Variants in PEMT observed in about 807,000 individuals in gnomAD.
PEMT encodes phosphatidylethanolamine N-methyltransferase.
In PEMT, 23 loss-of-function variants were observed where a neutral mutation model predicts 27.4. The ratio of observed to expected loss-of-function variants is 0.84; its 90% CI spans 0.60 to 1.19. The LOEUF (loss-of-function observed/expected upper bound fraction) is 1.19, where lower values mean the gene tolerates loss of function less well. Ranked by LOEUF, PEMT falls within the 50% of genes most tolerant of loss-of-function variation. The pLI is 0.00. For missense variants in PEMT, 307 were observed against 310.1 expected (o/e 0.99, Z 0.07); for synonymous variants, 137 against 139.1 (o/e 0.98, Z 0.11).
At chr17:17,565,604 C>G (rs1030133091) in intron 2 of PEMT, among the ~76,000 whole-genome samples, 2 of 152,230 alleles carry the variant, frequency 1.3e-5, no homozygotes, top group African/African-American at 4.8e-5. Flanking sequence ...ACTGATGAAC[C>G]CTGGCAGCAG....
chr17:17,509,612 G>T, intron 4 of PEMT, 67 bp from the exon 5 acceptor site: 2 of 1,141,340 alleles, frequency 1.8e-6, no homozygotes, highest in Non-Finnish European at 2.7e-6. Context: ...CACTGAGGGA[G>T]GCCCCAGAGC....
chr17:17,514,945 C>T (rs1906706526), intron 3 of PEMT, among the ~76,000 whole-genome samples: 1 of 152,170 alleles, frequency 6.6e-6, no homozygotes. Flanking sequence ...GGGAGGTGTG[C>T]CTTAGAGTCT....
At position 17,505,836 on chromosome 17, in the gene PEMT, A is replaced by C; in HGVS notation, c.666T>G (p.Ala222=). 4 of 1,610,238 alleles carry C rather than the reference A, an allele frequency of 2.5e-6. No individual in the cohort carries two copies. The highest frequency in any genetic ancestry group is 3.4e-6 in the Non-Finnish European group (4 of 1,178,108). The part of the protein sequence containing the change: ...VALLYEEPFT[A]EIYRQKASGS... ...CGGAGGCTTTCTGCCGGTAGATCTCAGCGGTGAAGGGCCTGCCGGGCAGCG... is the reference window on the plus strand; with the variant it reads ...CGGAGGCTTTCTGCCGGTAGATCTCCGCGGTGAAGGGCCTGCCGGGCAGCG... The change falls in exon 7 of 7, where the codon GCT becomes GCG. Residue 222 remains alanine (A), a synonymous_variant. Coordinates refer to ENST00000255389, the MANE Select transcript of PEMT (RefSeq NM_148172.3).
At chr17:17,564,171 A>G (rs963475964) in intron 2 of PEMT, among the ~76,000 whole-genome samples, 3 of 152,106 alleles carry the variant, frequency 2.0e-5, no homozygotes, top group Non-Finnish European at 4.4e-5. Context: ...GGCATCGAAC[A>G]CCAGGTCCTT....
chr17:17,513,722 C>T lies in PEMT; in HGVS notation c.321-1068G>A, dbSNP rs1285352756. 6.6e-6 allele frequency among the ~76,000 whole-genome samples: 1 copy of T among 152,104 alleles called. No homozygotes were observed. The highest frequency in any genetic ancestry group is 1.5e-5 in the Non-Finnish European group (1 of 67,998). On this transcript the variant is annotated intron_variant, in intron 3 of 6. Coordinates refer to ENST00000255389, the MANE Select transcript of PEMT (RefSeq NM_148172.3). The surrounding 1 kb of genome is among the most constrained non-coding windows in gnomAD (Gnocchi z 4.1). Reference sequence around the variant, plus strand: ...GTGCAGGGAGGGCACAGGGGCTAGGCATGTGCTGATGTACCCAGGCCTCAT... The same window carrying T: ...GTGCAGGGAGGGCACAGGGGCTAGGTATGTGCTGATGTACCCAGGCCTCAT...
At chr17:17,592,085 C>A (rs1379074369), upstream of PEMT, 1 of 985,078 alleles carries the variant, frequency 1.0e-6, no homozygotes, top group African/African-American at 1.7e-5. Context: ...GGGTCACACA[C>A]GCCCAGGGCC....
Position 17,505,829 on chromosome 17 carries a change from A to G in PEMT, c.673T>C (p.Tyr225His). The G allele has an allele frequency of 6.2e-7, 1 of 1,611,318 alleles. No homozygotes were observed. The change falls in exon 7 of 7, where the codon TAC becomes CAC. Residue 225 changes from tyrosine (Y) to histidine (H), a missense_variant. By Grantham distance (83) the Tyr-to-His change is moderately conservative. Coordinates refer to ENST00000255389, the MANE Select transcript of PEMT (RefSeq NM_148172.3). ...TGGGACCCGGAGGCTTTCTGCCGGTAGATCTCAGCGGTGAAGGGCCTGCCG... is the reference window on the plus strand; with the variant it reads ...TGGGACCCGGAGGCTTTCTGCCGGTGGATCTCAGCGGTGAAGGGCCTGCCG... ...LYEEPFTAEI[Y>H]RQKASGSHKR...
At chr17:17,584,972 G>A (rs1407987689) in intron 1 of PEMT, among the ~76,000 whole-genome samples, 4 of 152,232 alleles carry the variant, frequency 2.6e-5, no homozygotes, top group African/African-American at 9.6e-5. Context: ...CTAGACAGAC[G>A]CTGGCTGTGA....
At chr17:17,521,600 G>A (rs978983960) in intron 3 of PEMT, among the ~76,000 whole-genome samples, 2 of 152,046 alleles carry the variant, frequency 1.3e-5, no homozygotes, top group African/African-American at 4.8e-5. Context: ...GTCTCGCTCT[G>A]TTGCCCCAGG....
At chr17:17,578,382 C>G (rs375878098) in intron 1 of PEMT, among the ~76,000 whole-genome samples, 3 of 151,914 alleles carry the variant, frequency 2.0e-5, no homozygotes, top group Non-Finnish European at 4.4e-5. Context: ...GGGCGTAGTT[C>G]CAGTTACTTG....
intron 2 of PEMT, among the ~76,000 whole-genome samples, chr17:17,531,758 C>T (rs1179405407): frequency 1.3e-5 from 2 of 151,272 alleles, no homozygotes; most frequent in Admixed American, 1.3e-4. Flanking sequence ...TATATAAAGC[C>T]TTCTAAAACT....
At chr17:17,521,128 G>T (rs938657605) in intron 3 of PEMT, among the ~76,000 whole-genome samples, 1 of 152,260 alleles carries the variant, frequency 6.6e-6, no homozygotes, top group African/African-American at 2.4e-5. Flanking sequence ...TCCAAAGGGG[G>T]CAGCTGTGCC....
At chr17:17,519,999 G>T (rs1907144033) in intron 3 of PEMT, among the ~76,000 whole-genome samples, 1 of 152,180 alleles carries the variant, frequency 6.6e-6, no homozygotes, top group South Asian at 2.1e-4. Flanking sequence ...GTCCCGGCAT[G>T]CTCTAGGGAG....
At position 17,582,446 on chromosome 17, in the gene PEMT, T is replaced by C. The variant is rs1406493247; in HGVS notation, c.97-5419A>G. On this transcript the variant is annotated intron_variant, in intron 1 of 6. Coordinates refer to ENST00000255389, the MANE Select transcript of PEMT (RefSeq NM_148172.3). This position sits in a 1 kb window ranked among gnomAD's most constrained non-coding sequence, Gnocchi z 4.9. ...TCTGTGGTCAGGGAATGATCTGCAG[T>C]GGGTCAACATGTCACATTGTGACAC... 14 of 984,970 alleles carry C rather than the reference T, an allele frequency of 1.4e-5. No homozygotes were observed. Among genetic ancestry groups the C allele is most frequent in the Non-Finnish European group, 1.7e-5 (14 of 829,626 alleles). 61.0% of individuals were successfully genotyped at this position (984,970 alleles called of 1,614,324 possible). A position where few individuals can be genotyped will look rare whatever the true frequency, so the allele number is the denominator to read the frequency against.
intron 2 of PEMT, among the ~76,000 whole-genome samples, chr17:17,553,312 G>A (rs148787593): frequency 4.2e-4 from 64 of 152,324 alleles, no homozygotes; most frequent in African/African-American, 1.3e-3. Context: ...GGCAGTGTCC[G>A]CCCAGAACTT....
intron 2 of PEMT, among the ~76,000 whole-genome samples, chr17:17,522,827 C>T (rs1436715725): frequency 6.6e-6 from 1 of 152,168 alleles, no homozygotes; most frequent in East Asian, 1.9e-4. Flanking sequence ...TGCAGGAGCA[C>T]GCGGCCTTCA....
intron 2 of PEMT, among the ~76,000 whole-genome samples, chr17:17,567,125 T>C (rs971229540): frequency 6.6e-6 from 1 of 152,210 alleles, no homozygotes; most frequent in African/African-American, 2.4e-5. Flanking sequence ...CTCTGGAGTA[T>C]GAGGAACCTA....
chr17:17,576,919 C>T lies in PEMT; in HGVS notation c.204+1G>A. The T allele has an allele frequency of 6.2e-7, 1 of 1,611,784 alleles. No homozygotes were observed. Among genetic ancestry groups the T allele is most frequent in the Non-Finnish European group, 8.5e-7 (1 of 1,177,966 alleles). On this transcript the variant is annotated splice_donor_variant, in intron 2 of 6. Transcript: ENST00000255389. LOFTEE classifies it high-confidence loss of function. ...TGGACAGTGTCAGGCACATCACTTA[C>T]CACATTCCAGTAGAGCGGATTGAAG...
chr17:17,548,101 G>T (rs2142631509), intron 2 of PEMT, among the ~76,000 whole-genome samples: 1 of 152,356 alleles, frequency 6.6e-6, no homozygotes, highest in South Asian at 2.1e-4. Flanking sequence ...TTAGGTTCCA[G>T]CCTCCCTCGA....
Sources: gnomAD v4.1 joint callset for allele counts (sites outside exome capture counted in the v4.1 genomes callset) on GRCh38, gnomAD v4.1.1 for gene constraint, Gnocchi (gnomAD v3.1) non-coding constraint, MANE v1.5 for transcripts, NCBI Gene and HGNC (gene_info 2026-07-23, HGNC 2026-07-21) for gene names.